PTGR1: variants seen among roughly 807,000 people sequenced by gnomAD.
PTGR1 encodes prostaglandin reductase 1, also known as 15-oxoprostaglandin 13-reductase.
In PTGR1, 23 loss-of-function variants were observed where a neutral mutation model predicts 37.7. The ratio of observed to expected loss-of-function variants is 0.61; its 90% CI spans 0.44 to 0.86. The LOEUF is 0.86. PTGR1 is among the 40% of genes least tolerant of loss of function. The pLI is 0.00. For synonymous variants in PTGR1, 134 were observed against 140.0 expected (o/e 0.96, Z 0.30); for missense variants, 351 against 394.3 (o/e 0.89, Z 0.93).
At chr9:111,586,677 G>A (rs1421642427) in intron 4 of PTGR1, among the ~76,000 whole-genome samples, 2 of 151,460 alleles carry the variant, frequency 1.3e-5, no homozygotes, top group Non-Finnish European at 2.9e-5. Context: ...GTGCTAACCC[G>A]CTGCAACCTG....
chr9:111,592,168 ATT>A (rs1829642439), intron 4 of PTGR1: 2 of 152,214 alleles, frequency 1.3e-5, no homozygotes, highest in South Asian at 4.1e-4. Context: ...CCTTCTGAGA[ATT>A]TCTGGTCTAA....
intron 4 of PTGR1, 110 bp downstream of exon 4, chr9:111,592,816 T>A: frequency 7.1e-7 from 1 of 1,416,758 alleles, no homozygotes; most frequent in Non-Finnish European, 9.5e-7. Flanking sequence ...ACACAGTGAG[T>A]CAACAACATA....
At chr9:111,592,889 A>T in intron 4 of PTGR1, 37 bp downstream of exon 4, 1 of 1,595,236 alleles carries the variant, frequency 6.3e-7, no homozygotes, top group Non-Finnish European at 8.5e-7. Context: ...AAGAGGAGAC[A>T]TATTTTCCAA....
At chr9:111,578,974 AG>A in intron 6 of PTGR1, 23 bp from the exon 7 acceptor site, 3 of 1,549,136 alleles carry the variant, frequency 1.9e-6, no homozygotes, top group South Asian at 1.2e-5. Flanking sequence ...AAAAAAAAAA[AG>A]GAAACCATGA....
At chr9:111,558,259 G>A (rs1418919970), downstream of PTGR1, among the ~76,000 whole-genome samples, 1 of 152,154 alleles carries the variant, frequency 6.6e-6, no homozygotes, top group East Asian at 1.9e-4. Flanking sequence ...TATATAATCT[G>A]TAATTATCAT....
chr9:111,594,253 C>A lies in PTGR1; in HGVS notation c.121G>T (p.Ala41Ser). ...PLKNGEVLLE[A>S]LFLTVDPYMR... ...TAGGGATCCACGGTGAGGAACAAAG[C>A]TTCAAGCAGGACCTCTACAAAATAA... Residue 41 changes from alanine (A) to serine (S), a missense_variant, in exon 3 of 10, where the codon GCT becomes TCT. Coordinates refer to ENST00000407693, the MANE Select transcript of PTGR1 (RefSeq NM_001146108.2). 6.2e-7 allele frequency: 1 copy of A among 1,613,660 alleles called. No individual in the cohort carries two copies.
intron 9 of PTGR1, among the ~76,000 whole-genome samples, chr9:111,567,626 G>A (rs936629771): frequency 4.6e-5 from 7 of 152,182 alleles, no homozygotes; most frequent in Non-Finnish European, 8.8e-5. Flanking sequence ...GTCAGATTTT[G>A]TGTAAGCTTA....
intron 9 of PTGR1, among the ~76,000 whole-genome samples, chr9:111,566,889 G>C (rs1217238810): frequency 6.6e-6 from 1 of 151,986 alleles, no homozygotes; most frequent in Non-Finnish European, 1.5e-5. Flanking sequence ...AAGTAGGATA[G>C]GAGCCTGGGC....
intron 8 of PTGR1, among the ~76,000 whole-genome samples, chr9:111,571,419 AAAG>A (rs1202186609): frequency 6.7e-6 from 1 of 149,608 alleles, no homozygotes; most frequent in Non-Finnish European, 1.5e-5. Flanking sequence ...AAAAAGAAAA[AAAG>A]AAGTAAACAA....
downstream of PTGR1, among the ~76,000 whole-genome samples, chr9:111,559,531 T>C (rs1198014532): frequency 6.6e-6 from 1 of 151,800 alleles, no homozygotes; most frequent in African/African-American, 2.4e-5. Context: ...CCAACTCCCC[T>C]CATCAGGCCA....
At chr9:111,592,593 C>T (rs949783744) in intron 4 of PTGR1, 1 of 204,610 alleles carries the variant, frequency 4.9e-6, no homozygotes, top group Non-Finnish European at 9.8e-6. Flanking sequence ...CTCAACCTGC[C>T]GATCCACCTG....
chr9:111,580,556 G>T (rs533662917), intron 6 of PTGR1, among the ~76,000 whole-genome samples: 1 of 152,198 alleles, frequency 6.6e-6, no homozygotes, highest in East Asian at 1.9e-4. Flanking sequence ...GGGAGTTCGA[G>T]ACCAGCCTGA....
rs1275373782 is a variant in PTGR1 at position 111,563,147 on chromosome 9, A to C, written c.964T>G (p.Leu322Val). Residue 322 changes from leucine to valine, a missense_variant, in exon 10 of 10, where the codon TTG (leucine) becomes GTG (valine). Leu to Val is a conservative substitution (Grantham distance 32). Transcript: ENST00000407693. Reference protein sequence around the residue: ...AFMGMLKGDNLGKTIVKA With the variant: ...AFMGMLKGDNVGKTIVKA Reference sequence around the variant, plus strand: ...CATGCTTTCACTATTGTCTTCCCCAAATTATCTCCTTTCAGCATTCCCATA... The same window carrying C: ...CATGCTTTCACTATTGTCTTCCCCACATTATCTCCTTTCAGCATTCCCATA... 6.2e-7 allele frequency: 1 copy of C among 1,613,908 alleles called. No individual in the cohort carries two copies. The highest frequency in any genetic ancestry group is 1.3e-5 in the African/African-American group (1 of 74,928).
chr9:111,585,379 G>A (rs1829399506), intron 5 of PTGR1, among the ~76,000 whole-genome samples: 2 of 152,234 alleles, frequency 1.3e-5, no homozygotes, highest in Admixed American at 1.3e-4. Flanking sequence ...AGGGAAGGAT[G>A]AGCAGGATAA....
chr9:111,594,368 G>A, intron 2 of PTGR1, 101 bp from the exon 3 acceptor site: 3 of 1,105,520 alleles, frequency 2.7e-6, no homozygotes, highest in Non-Finnish European at 4.1e-6. Context: ...CAGGGACAAG[G>A]GTTGAGAAAC....
chr9:111,597,555 C>A, intron 1 of PTGR1, 123 bp from the exon 2 acceptor site: 2 of 617,078 alleles, frequency 3.2e-6, no homozygotes, highest in Non-Finnish European at 2.9e-6. Flanking sequence ...ATTATCATAT[C>A]ATGCCAACCA....
chr9:111,561,225 T>C (rs765094279), downstream of PTGR1, among the ~76,000 whole-genome samples: 2 of 150,682 alleles, frequency 1.3e-5, no homozygotes, highest in Non-Finnish European at 3.0e-5. Context: ...CCTTTCCATA[T>C]GTTCAAGTCT....
chr9:111,566,575 G>A (rs1164025914), intron 9 of PTGR1, among the ~76,000 whole-genome samples: 1 of 152,228 alleles, frequency 6.6e-6, no homozygotes, highest in Non-Finnish European at 1.5e-5. Context: ...CTTACATGGT[G>A]TAAGGTTTGA....
In PTGR1 at chr9:111,574,730, T is replaced by G. The variant is rs772291875; in HGVS notation, c.760+4A>C. ...ATATGGGATCGTGTGCATGTGCTCA[T>G]TACCTGGGGGAAGTGGGCCGGTTCT... is the stretch of plus-strand genomic sequence containing the variant. On this transcript the variant is annotated splice_donor_region_variant and intron_variant, in intron 8 of 9. Coordinates refer to ENST00000407693, the MANE Select transcript of PTGR1 (RefSeq NM_001146108.2). The G allele has an allele frequency of 1.9e-6, 3 of 1,607,890 alleles. No homozygotes were observed. The highest frequency in any genetic ancestry group is 4.5e-5 in the East Asian group (2 of 44,692).
Sources: gnomAD v4.1 joint callset for allele counts (sites outside exome capture counted in the v4.1 genomes callset) on GRCh38, gnomAD v4.1.1 for gene constraint, MANE v1.5 for transcripts, NCBI Gene and HGNC (gene_info 2026-07-23, HGNC 2026-07-21) for gene names.